ABCC11: variants seen among roughly 807,000 people sequenced by gnomAD.
The protein encoded by ABCC11 is ATP-binding cassette sub-family C member 11.
In ABCC11, 135 loss-of-function variants were observed where a neutral mutation model predicts 149.3. The observed-to-expected ratio is 0.90, with a 90% confidence interval of 0.79 to 1.04. The LOEUF is 1.04. Among genes scored for constraint, ABCC11 ranks in the 50% least tolerant of loss-of-function variants. The pLI is 0.00. For missense variants in ABCC11, 1,680 were observed against 1,722.1 expected (o/e 0.98, Z 0.43); for synonymous variants, 665 against 671.4 (o/e 0.99, Z 0.15).
chr16:48,240,603 C>G (rs1041667587), intron 1 of ABCC11, among the ~76,000 whole-genome samples: 3 of 152,024 alleles, frequency 2.0e-5, no homozygotes, highest in African/African-American at 7.2e-5. Flanking sequence ...ATGGGTTGAT[C>G]TGTGCAGCAA....
downstream of ABCC11, chr16:48,165,168 G>C (rs528819998): frequency 2.0e-5 from 3 of 152,668 alleles, no homozygotes; most frequent in East Asian, 5.8e-4. Context: ...CTGGGAATGG[G>C]GAAGCAGAGG....
chr16:48,243,394 T>TC (rs1971109873), intron 1 of ABCC11, among the ~76,000 whole-genome samples: 1 of 112,854 alleles, frequency 8.9e-6, no homozygotes, highest in South Asian at 2.8e-4. Flanking sequence ...AGAGCGAGAC[T>TC]CCGTCTCAAA....
Position 48,193,899 on chromosome 16 carries a change from A to G in ABCC11, c.2488T>C (p.Trp830Arg). 1.2e-6 allele frequency: 2 copies of G among 1,613,964 alleles called. No individual in the cohort carries two copies. The highest frequency in any genetic ancestry group is 1.7e-6 in the Non-Finnish European group (2 of 1,179,860). The change falls in exon 19 of 30, where the codon TGG (tryptophan) becomes CGG (arginine). Residue 830 changes from tryptophan to arginine, a missense_variant. Transcript: ENST00000356608. ...TIFSFWWLSY[W>R]LEQGSGTNSS... is the part of the protein sequence containing the mutation. ...CTCACCCCCGAGCCCTGCTCCAACC[A>G]GTAGCTCAGCCACCAGAAGCTGAAG...
intron 24 of ABCC11, 148 bp downstream of exon 24, chr16:48,178,449 G>A (rs774449819): frequency 2.9e-6 from 2 of 681,124 alleles, no homozygotes; most frequent in South Asian, 1.9e-5. Context: ...GTCAACAAAA[G>A]TCTGGGGAAG....
At chr16:48,205,044 G>A (rs1278718352) in intron 13 of ABCC11, among the ~76,000 whole-genome samples, 1 of 152,178 alleles carries the variant, frequency 6.6e-6, no homozygotes, top group Admixed American at 6.5e-5. Flanking sequence ...TAGGGGCCAA[G>A]ATTTAACGAA....
At chr16:48,232,152 G>T (rs918771101) in intron 1 of ABCC11, 1 of 1,225,538 alleles carries the variant, frequency 8.2e-7, no homozygotes, top group African/African-American at 1.5e-5. Context: ...ATCACTTAGT[G>T]AAACCTTCTC....
chr16:48,178,127 G>C (rs1405249819), intron 24 of ABCC11, among the ~76,000 whole-genome samples: 2 of 152,186 alleles, frequency 1.3e-5, no homozygotes, highest in South Asian at 4.1e-4. Flanking sequence ...ATCTGGCAAA[G>C]GGACGCTATT....
At chr16:48,193,795 G>T in intron 19 of ABCC11, 84 bp downstream of exon 19, 1 of 1,135,038 alleles carries the variant, frequency 8.8e-7, no homozygotes, top group Non-Finnish European at 1.3e-6. Context: ...CCATGCTCTG[G>T]CTCTTGTGGT....
intron 26 of ABCC11, 94 bp downstream of exon 26, chr16:48,175,164 G>A: frequency 6.8e-7 from 1 of 1,474,058 alleles, no homozygotes; most frequent in Admixed American, 2.1e-5. Flanking sequence ...TGGAAATCGG[G>A]GCATTGGTCA....
At chr16:48,178,448 A>G in intron 24 of ABCC11, 149 bp downstream of exon 24, 1 of 671,860 alleles carries the variant, frequency 1.5e-6, no homozygotes, top group Admixed American at 3.0e-5. Context: ...GGTCAACAAA[A>G]GTCTGGGGAA....
At chr16:48,184,292 AG>A in intron 23 of ABCC11, 147 bp downstream of exon 23, 1 of 963,224 alleles carries the variant, frequency 1.0e-6, no homozygotes, top group Non-Finnish European at 1.5e-6. Flanking sequence ...TACCAATTTC[AG>A]AAGGCCAAGC....
In ABCC11 at chr16:48,230,441, G is replaced by C. The variant is rs112756835; in HGVS notation, c.232C>G (p.Pro78Ala). The change falls in exon 3 of 30, where the codon CCG becomes GCG. Residue 78 changes from proline to alanine, a missense_variant. Coordinates refer to ENST00000356608, the MANE Select transcript of ABCC11 (RefSeq NM_001370497.1). Reference sequence around the variant, plus strand: ...ACCACCCCCATCAGGACTCACCTCGGCTTGGGACGGAAGGGAATCATGGTT... The same window carrying C: ...ACCACCCCCATCAGGACTCACCTCGCCTTGGGACGGAAGGGAATCATGGTT... ...LRTMIPFRPK[P>A]RFPAPQPLDN... 1 of 1,605,718 alleles carries C rather than the reference G, an allele frequency of 6.2e-7. No homozygotes were observed. Among genetic ancestry groups the C allele is most frequent in the Non-Finnish European group, 8.5e-7 (1 of 1,176,304 alleles).
chr16:48,169,027 T>A (rs1331950351), intron 28 of ABCC11, among the ~76,000 whole-genome samples: 1 of 152,212 alleles, frequency 6.6e-6, no homozygotes, highest in Non-Finnish European at 1.5e-5. Flanking sequence ...CTGCACGTTC[T>A]GCACATGTAT....
At chr16:48,200,224 G>A in intron 15 of ABCC11, 52 bp downstream of exon 15, 1 of 1,560,532 alleles carries the variant, frequency 6.4e-7, no homozygotes, top group Non-Finnish European at 8.8e-7. Context: ...GCAAAGGCTT[G>A]AGGATCTACG....
intron 12 of ABCC11, 103 bp from the exon 13 acceptor site, chr16:48,205,640 T>C: frequency 2.1e-6 from 3 of 1,451,910 alleles, no homozygotes; most frequent in Admixed American, 2.3e-5. Context: ...CTCCAGGACC[T>C]TGGGGGCTCT....
At chr16:48,217,017 C>T (rs1370580280) in intron 6 of ABCC11, among the ~76,000 whole-genome samples, 1 of 152,116 alleles carries the variant, frequency 6.6e-6, no homozygotes, top group African/African-American at 2.4e-5. Context: ...TGTCTTAAAG[C>T]AAGGACAAGG....
chr16:48,215,369 G>A (rs1387702828), intron 7 of ABCC11, 25 bp from the exon 8 acceptor site: 1 of 1,604,252 alleles, frequency 6.2e-7, no homozygotes, highest in East Asian at 2.2e-5. Context: ...CAGCAAGTTT[G>A]GAGTTGATCT....
At chr16:48,197,550 C>A (rs576545058) in intron 17 of ABCC11, among the ~76,000 whole-genome samples, 1 of 152,242 alleles carries the variant, frequency 6.6e-6, no homozygotes, top group East Asian at 1.9e-4. Context: ...CTGCCCCAGA[C>A]AAGAGCAAAG....
chr16:48,171,702 A>G (rs920438550), intron 26 of ABCC11, among the ~76,000 whole-genome samples: 1 of 152,126 alleles, frequency 6.6e-6, no homozygotes, highest in Non-Finnish European at 1.5e-5. Context: ...GGTGGTTCAC[A>G]CCTGTAATCC....
Sources: gnomAD v4.1 joint callset for allele counts (sites outside exome capture counted in the v4.1 genomes callset) on GRCh38, gnomAD v4.1.1 for gene constraint, MANE v1.5 for transcripts, NCBI Gene and HGNC (gene_info 2026-07-23, HGNC 2026-07-21) for gene names.